LRCH3: variants seen among roughly 807,000 people sequenced by gnomAD.
LRCH3 encodes the protein leucine rich repeats and calponin homology domain containing 3.
In LRCH3, 68 loss-of-function variants were observed where a neutral mutation model predicts 104.5. That is an observed-to-expected ratio of 0.65 (90% CI 0.54 to 0.80). The LOEUF is 0.80. Ranked by LOEUF, LRCH3 falls within the 30% of genes least tolerant of loss-of-function variation. LRCH3 has a pLI of 0.00. For synonymous variants in LRCH3, 344 were observed against 361.3 expected, an observed-to-expected ratio of 0.95 and a Z score of 0.54; for missense variants, 951 against 953.9, an observed-to-expected ratio of 1.00 and a Z score of 0.04.
At chr3:197,798,260 C>CAAA (rs573713102) in intron 1 of LRCH3, among the ~76,000 whole-genome samples, 32 of 150,650 alleles carry the variant, frequency 2.1e-4, no homozygotes, top group African/African-American at 7.1e-4. Flanking sequence ...GACCCTGTCT[C>CAAA]AAAAAAAATA....
At chr3:197,873,901 G>C (rs1712544406) in intron 19 of LRCH3, among the ~76,000 whole-genome samples, 1 of 151,752 alleles carries the variant, frequency 6.6e-6, no homozygotes, top group Non-Finnish European at 1.5e-5. Context: ...CACACCTGTA[G>C]TCCCAGCTAC....
chr3:197,840,163 T>C (rs1737580393), intron 10 of LRCH3, among the ~76,000 whole-genome samples: 1 of 152,066 alleles, frequency 6.6e-6, no homozygotes, highest in South Asian at 2.1e-4. Flanking sequence ...TTAGGCCCTG[T>C]GCGGTGGCTC....
At chr3:197,852,522 A>C in intron 12 of LRCH3, 39 bp from the exon 13 acceptor site, 1 of 1,606,628 alleles carries the variant, frequency 6.2e-7, no homozygotes, top group South Asian at 1.1e-5. Flanking sequence ...TCCAGGCTCT[A>C]ACCAACTTCC....
intron 1 of LRCH3, among the ~76,000 whole-genome samples, chr3:197,801,201 G>A (rs907605824): frequency 1.3e-5 from 2 of 151,924 alleles, no homozygotes; most frequent in African/African-American, 4.8e-5. Context: ...AATATATACG[G>A]TGCAAATATA....
chr3:197,870,712 C>T (rs1228200807), intron 18 of LRCH3, among the ~76,000 whole-genome samples: 8 of 151,134 alleles, frequency 5.3e-5, no homozygotes, highest in East Asian at 1.9e-4. Flanking sequence ...TGAGCTTCCG[C>T]GCCCGGCTGT....
At position 197,854,846 on chromosome 3, in the gene LRCH3, T is replaced by G. The variant is rs1261921552; in HGVS notation, c.1644+401T>G. Among the ~76,000 whole-genome samples, 4 of 152,190 alleles carry G rather than the reference T, an allele frequency of 2.6e-5. No homozygotes were observed. Among genetic ancestry groups the G allele is most frequent in the Non-Finnish European group, 5.9e-5 (4 of 68,018 alleles). ...CACAGCTGTATATTTGGCATCCAAT[T>G]TTATGATGTATTTTCAGCTACTGAA... On this transcript the variant is annotated intron_variant, in intron 14 of 20. Transcript: ENST00000425562. This position sits in a 1 kb window ranked among gnomAD's most constrained non-coding sequence, Gnocchi z 4.5.
intron 12 of LRCH3, chr3:197,850,503 A>G: frequency 6.3e-7 from 1 of 1,591,564 alleles, no homozygotes; most frequent in Non-Finnish European, 8.5e-7. Flanking sequence ...TTCCTTTTCC[A>G]TAAGGATCAT....
At chr3:197,798,970 C>CT (rs139639463) in intron 1 of LRCH3, among the ~76,000 whole-genome samples, 7,005 of 152,250 alleles carry the variant, frequency 0.046, 298 homozygotes, top group African/African-American at 0.11. Flanking sequence ...TAATAGAACT[C>CT]TCTCATCACT....
At position 197,875,690 on chromosome 3, in the gene LRCH3, C is replaced by G. The variant is rs1017948711; in HGVS notation, c.2131-8C>G. 1 of 1,532,442 alleles carries G rather than the reference C, an allele frequency of 6.5e-7. No homozygotes were observed. The highest frequency in any genetic ancestry group is 8.7e-7 in the Non-Finnish European group (1 of 1,145,208). The allele number at this position is 1,532,442 out of a possible 1,614,324, so 94.9% of individuals were successfully genotyped here. ...CTCTAGTAACACATTTTCTTTTCCT[C>G]ATTTCAGCCTAAATTAACAATGGCG... On this transcript the variant is annotated splice_region_variant and splice_polypyrimidine_tract_variant and intron_variant, in intron 19 of 20. Transcript: ENST00000425562.
intron 4 of LRCH3, 64 bp downstream of exon 4, chr3:197,820,494 C>T (rs930447064): frequency 9.0e-7 from 1 of 1,113,676 alleles, no homozygotes; most frequent in Non-Finnish European, 1.3e-6. Flanking sequence ...CTCTCTCAGA[C>T]CAATCAAGAC....
chr3:197,825,286 A>G (rs935746903), intron 4 of LRCH3, among the ~76,000 whole-genome samples: 2 of 150,390 alleles, frequency 1.3e-5, no homozygotes, highest in African/African-American at 2.4e-5. Flanking sequence ...TTTTAATTTA[A>G]TGTGCTGGAT....
rs1324069368 is a variant in LRCH3 at position 197,885,487 on chromosome 3, G to GT, written c.*1822dup. The GT allele has an allele frequency of 6.6e-6, 1 of 152,292 alleles. No individual in the cohort carries two copies. Among genetic ancestry groups the GT allele is most frequent in the African/African-American group, 2.4e-5 (1 of 41,444 alleles). The allele number at this position is 152,292 out of a possible 1,614,324, so 9.4% of individuals were successfully genotyped here. ...TAGCTGGGCGTGGTGGTGCATGCCT[G>GT]TAATCCCAGCTACTCGGGAGGCTGA... On this transcript the variant is annotated 3_prime_UTR_variant, in exon 21 of 21. Transcript: ENST00000425562.
intron 1 of LRCH3, among the ~76,000 whole-genome samples, chr3:197,794,683 C>T (rs764709958): frequency 5.3e-5 from 8 of 152,236 alleles, no homozygotes; most frequent in Non-Finnish European, 1.2e-4. Context: ...GGAACGTTTT[C>T]TTGGGACTTT....
intron 19 of LRCH3, among the ~76,000 whole-genome samples, chr3:197,872,439 A>T (rs578069880): frequency 6.6e-6 from 1 of 151,832 alleles, no homozygotes; most frequent in East Asian, 1.9e-4. Flanking sequence ...GTACACTACA[A>T]AGATGCCCAA....
intron 7 of LRCH3, 94 bp from the exon 8 acceptor site, chr3:197,832,103 C>G: frequency 7.6e-7 from 1 of 1,309,004 alleles, no homozygotes; most frequent in Non-Finnish European, 1.0e-6. Flanking sequence ...CTCAAGTGAT[C>G]CTCCTGCTTT....
At position 197,870,145 on chromosome 3, in the gene LRCH3, T is replaced by C; in HGVS notation, c.1874-15T>C. On this transcript the variant is annotated splice_polypyrimidine_tract_variant and intron_variant, in intron 17 of 20. Coordinates refer to ENST00000425562, the MANE Select transcript of LRCH3 (RefSeq NM_001365715.1). ...GCCAGTTGCCTTTCTGTCTTACATA[T>C]TAATATTTTTATAGGTCATGCTTCA... 1 of 1,609,736 alleles carries C rather than the reference T, an allele frequency of 6.2e-7. No individual in the cohort carries two copies. The highest frequency in any genetic ancestry group is 2.2e-5 in the East Asian group (1 of 44,840).
At chr3:197,816,825 A>G (rs1733856452) in intron 2 of LRCH3, among the ~76,000 whole-genome samples, 1 of 152,170 alleles carries the variant, frequency 6.6e-6, no homozygotes, top group East Asian at 1.9e-4. Flanking sequence ...CCACCTTTTA[A>G]AAAATCTTTT....
chr3:197,797,863 AAAAAAAAAAAC>A lies in LRCH3; in HGVS notation c.262+6332_262+6342del, dbSNP rs1470432281. Among the ~76,000 whole-genome samples, 212 of 43,056 alleles carry A rather than the reference AAAAAAAAAAAC, an allele frequency of 4.9e-3. 2 individuals carry two copies. The highest frequency in any genetic ancestry group is 0.013 in the East Asian group (2 of 160). The allele number at this position is 43,056 out of a possible 152,430, so 28.2% of individuals were successfully genotyped here. A position where few individuals can be genotyped will look rare whatever the true frequency, so the allele number is the denominator to read the frequency against. ...CAACAGAGCGAGACTCCATCTCAAA[AAAAAAAAAAAC>A]AAAAAAAACAAAAAAAAAAACAAAA... is the stretch of plus-strand genomic sequence containing the variant. On this transcript the variant is annotated intron_variant, in intron 1 of 20. Transcript: ENST00000425562.
chr3:197,794,908 G>A (rs1580510844), intron 1 of LRCH3, among the ~76,000 whole-genome samples: 1 of 151,988 alleles, frequency 6.6e-6, no homozygotes, highest in Non-Finnish European at 1.5e-5. Context: ...GAGAGGGTGA[G>A]GCACGAGACT....
Sources: gnomAD v4.1 joint callset for allele counts (sites outside exome capture counted in the v4.1 genomes callset) on GRCh38, gnomAD v4.1.1 for gene constraint, Gnocchi (gnomAD v3.1) non-coding constraint, MANE v1.5 for transcripts, NCBI Gene and HGNC (gene_info 2026-07-23, HGNC 2026-07-21) for gene names.